The following ATF2 variants were observed in gnomAD, a reference collection of about 807,000 sequenced individuals.
ATF2 encodes cyclic AMP-dependent transcription factor ATF-2.
ATF2 carries 24 observed loss-of-function variants against 60.6 expected under a neutral mutation model. The observed-to-expected ratio is 0.40, with a 90% CI of 0.29 to 0.56. The LOEUF (loss-of-function observed/expected upper bound fraction) is 0.56. Ranked by LOEUF, ATF2 falls within the 20% of genes least tolerant of loss-of-function variation. The pLI is 0.54. For missense variants in ATF2, 433 were observed against 607.7 expected (o/e 0.71, Z 3.02); for synonymous variants, 206 against 215.4 (o/e 0.96, Z 0.38).
rs78283774 is a variant in ATF2, at chr2:175,074,162, G to A, written c.*447C>T. ...TCTTGCCTAGTGCTTTTATGACTCC[G>A]TTAACATTACAAAGTCAACAGGGAC... On this transcript the variant is annotated 3_prime_UTR_variant, in exon 14 of 14. Transcript: ENST00000264110. 0.034 allele frequency: 5,199 copies of A among 153,192 alleles called. 294 individuals carry two copies. Among genetic ancestry groups the A allele is most frequent in the African/African-American group, 0.12 (4,937 of 41,468 alleles). 9.5% of individuals were successfully genotyped at this position (153,192 alleles called of 1,614,324 possible).
At chr2:175,082,121 T>C (rs972020188) in intron 12 of ATF2, among the ~76,000 whole-genome samples, 1 of 152,044 alleles carries the variant, frequency 6.6e-6, no homozygotes, top group African/African-American at 2.4e-5. Context: ...GACAGAAACA[T>C]AAAAATTAAA....
intron 12 of ATF2, among the ~76,000 whole-genome samples, chr2:175,089,734 C>G (rs1235223345): frequency 6.6e-6 from 1 of 152,066 alleles, no homozygotes; most frequent in African/African-American, 2.4e-5. Flanking sequence ...TAGAAAACAA[C>G]AAAAAGTCAA....
At chr2:175,097,394 T>C in intron 11 of ATF2, 50 bp downstream of exon 11, 1 of 1,597,194 alleles carries the variant, frequency 6.3e-7, no homozygotes, top group Middle Eastern at 1.7e-4. Context: ...ACACTGTACT[T>C]TTCTGTTTAA....
chr2:175,138,139 C>A (rs940418207), intron 2 of ATF2, among the ~76,000 whole-genome samples: 1 of 152,156 alleles, frequency 6.6e-6, no homozygotes, highest in African/African-American at 2.4e-5. Flanking sequence ...GTAGGAAAAT[C>A]AACTGTCATG....
At chr2:175,141,128 G>C (rs938619366) in intron 2 of ATF2, among the ~76,000 whole-genome samples, 2 of 142,006 alleles carry the variant, frequency 1.4e-5, no homozygotes, top group South Asian at 2.2e-4. Flanking sequence ...CAACTTCAAG[G>C]TTTGTGAAAT....
At chr2:175,144,406 C>T (rs1313961061) in intron 2 of ATF2, among the ~76,000 whole-genome samples, 1 of 151,868 alleles carries the variant, frequency 6.6e-6, no homozygotes, top group Non-Finnish European at 1.5e-5. Flanking sequence ...TAGACAGGCT[C>T]ATTACCAAAT....
chr2:175,128,919 A>AT (rs1697537504), intron 4 of ATF2, among the ~76,000 whole-genome samples: 1 of 64,134 alleles, frequency 1.6e-5, no homozygotes, highest in Admixed American at 1.5e-4. Context: ...GCCAACAAAC[A>AT]CATGAAAAAA....
intron 1 of ATF2, among the ~76,000 whole-genome samples, chr2:175,165,352 G>C (rs926981137): frequency 6.6e-6 from 1 of 152,092 alleles, no homozygotes; most frequent in Non-Finnish European, 1.5e-5. Flanking sequence ...CCTACTTATA[G>C]GTATATTTCA....
chr2:175,108,440 GCAGCC>G lies in ATF2; in HGVS notation c.828+3123_828+3127del, dbSNP rs1282793793. Among the ~76,000 whole-genome samples, 45 of 149,660 alleles carry G rather than the reference GCAGCC, an allele frequency of 3.0e-4. 1 individual carries two copies. Among genetic ancestry groups the G allele is most frequent in the African/African-American group, 9.9e-4 (40 of 40,608 alleles). On this transcript the variant is annotated intron_variant, in intron 10 of 13. Coordinates refer to ENST00000264110, the MANE Select transcript of ATF2 (RefSeq NM_001880.4). ...TGGGGGGTCAGCCCCCGCCCGGCCA[GCAGCC>G]CCGTCCGGGAGGGAGGTGGGGGGTC...
At chr2:175,157,543 C>T (rs1699762510) in intron 1 of ATF2, among the ~76,000 whole-genome samples, 1 of 152,170 alleles carries the variant, frequency 6.6e-6, no homozygotes, top group South Asian at 2.1e-4. Context: ...AATATGTTCA[C>T]CACTAAGTAG....
At chr2:175,148,229 T>C (rs1442711857) in intron 2 of ATF2, among the ~76,000 whole-genome samples, 1 of 152,122 alleles carries the variant, frequency 6.6e-6, no homozygotes, top group African/African-American at 2.4e-5. Flanking sequence ...CCACCCCCTC[T>C]TTTTACTTGA....
At chr2:175,096,630 A>C (rs780155052) in intron 11 of ATF2, among the ~76,000 whole-genome samples, 2 of 152,206 alleles carry the variant, frequency 1.3e-5, no homozygotes, top group Non-Finnish European at 2.9e-5. Flanking sequence ...ACACACTTTA[A>C]TGGTTGTAGA....
intron 4 of ATF2, among the ~76,000 whole-genome samples, chr2:175,126,588 A>C (rs1037091250): frequency 6.6e-6 from 1 of 152,214 alleles, no homozygotes; most frequent in South Asian, 2.1e-4. Context: ...ACAATTCCTT[A>C]TGATACACAT....
At chr2:175,146,747 G>A (rs1363076713) in intron 2 of ATF2, among the ~76,000 whole-genome samples, 1 of 152,078 alleles carries the variant, frequency 6.6e-6, no homozygotes, top group African/African-American at 2.4e-5. Flanking sequence ...GTGAATTGTC[G>A]CTTCGTCAAG....
chr2:175,101,405 T>C (rs915737595), intron 10 of ATF2, among the ~76,000 whole-genome samples: 4 of 152,190 alleles, frequency 2.6e-5, no homozygotes, highest in Non-Finnish European at 5.9e-5. Flanking sequence ...CAAAATACAA[T>C]GACTAGTACC....
chr2:175,075,199 G>A (rs1345284830), intron 13 of ATF2: 3 of 536,660 alleles, frequency 5.6e-6, no homozygotes, highest in Non-Finnish European at 8.2e-6. Flanking sequence ...TGGCCTACAT[G>A]TCATTCTTAT....
chr2:175,114,037 G>T lies in ATF2; in HGVS notation c.698C>A (p.Ala233Glu), dbSNP rs1438315912. 6.2e-7 allele frequency: 1 copy of T among 1,612,964 alleles called. No individual in the cohort carries two copies. The highest frequency in any genetic ancestry group is 8.5e-7 in the Non-Finnish European group (1 of 1,179,688). ...ATGCACATTAGAACTTGTAATTGAT[G>T]CAGGAATAGCAACAGGCATGGTTTG... is the stretch of plus-strand genomic sequence containing the variant. ...NGQTMPVAIP[A>E]SITSSNVHVP... is the part of the protein sequence containing the mutation. The change falls in exon 9 of 14, where the codon GCA (alanine) becomes GAA (glutamate). Residue 233 changes from alanine to glutamate, a missense_variant. Physicochemically the swap from Ala to Glu is moderately radical, Grantham distance 107 (BLOSUM62 -1). Coordinates refer to ENST00000264110, the MANE Select transcript of ATF2 (RefSeq NM_001880.4).
chr2:175,127,461 C>T (rs983826419), intron 4 of ATF2, among the ~76,000 whole-genome samples: 1 of 152,128 alleles, frequency 6.6e-6, no homozygotes, highest in African/African-American at 2.4e-5. Flanking sequence ...CTAATTCAAA[C>T]CACCATCATC....
chr2:175,077,524 G>A (rs568326794), intron 13 of ATF2, among the ~76,000 whole-genome samples: 35 of 152,224 alleles, frequency 2.3e-4, no homozygotes, highest in African/African-American at 7.5e-4. Flanking sequence ...AGAACAACAG[G>A]CTGACGTTTC....
Sources: allele counts gnomAD v4.1 joint callset (sites outside exome capture counted in the v4.1 genomes callset), GRCh38; gene constraint gnomAD v4.1.1; transcripts MANE v1.5; gene names NCBI Gene and HGNC (gene_info 2026-07-23, HGNC 2026-07-21).